The following RBFOX1 variants were observed in gnomAD, a reference collection of about 807,000 sequenced individuals.
The protein encoded by RBFOX1 is RNA binding fox-1 homolog 1, also known as RNA binding protein fox-1 homolog 1.
A neutral mutation model predicts 57.7 loss-of-function variants in RBFOX1; 8 were observed. That is an observed-to-expected ratio of 0.14 (90% CI 0.08 to 0.25). RBFOX1 has a LOEUF of 0.25. Ranked by LOEUF, RBFOX1 falls within the 10% of genes least tolerant of loss-of-function variation. The probability of loss-of-function intolerance (pLI) is 1.00; values close to 1 mark genes in which losing one functional copy is unlikely to be tolerated. For synonymous variants in RBFOX1, 326 were observed against 222.4 expected (o/e 1.47, Z -4.15); for missense variants, 611 against 548.5 (o/e 1.11, Z -1.14).
At chr16:7,075,352 G>A (rs1428911472) in intron 4 of RBFOX1, among the ~76,000 whole-genome samples, 2 of 152,202 alleles carry the variant, frequency 1.3e-5, no homozygotes, top group African/African-American at 4.8e-5. Context: ...TCTAGGAGAA[G>A]AGTTGGGAAG....
intron 2 of RBFOX1, among the ~76,000 whole-genome samples, chr16:6,506,157 G>C (rs1447885716): frequency 6.6e-6 from 1 of 152,168 alleles, no homozygotes; most frequent in East Asian, 1.9e-4. Context: ...AGTTAATTTA[G>C]AAGCGAAGAG....
intron 2 of RBFOX1, among the ~76,000 whole-genome samples, chr16:6,487,922 A>G (rs911295258): frequency 6.6e-6 from 1 of 151,692 alleles, no homozygotes; most frequent in African/African-American, 2.4e-5. Flanking sequence ...CGCTTTAATG[A>G]TCTGTAGTTT....
rs193174047 is a variant in RBFOX1, at chr16:7,205,144, A to C, written c.27+153046A>C. 1.4e-3 allele frequency among the ~76,000 whole-genome samples: 217 copies of C among 152,266 alleles called. 1 individual carries two copies. Among genetic ancestry groups the C allele is most frequent in the South Asian group, 0.014 (68 of 4,830 alleles). Reference sequence around the variant, plus strand: ...CCTCCCTTCACTGATAGTAAGATAGAGGCTGAGAGACCAAGAAAAATAGTG... The same window carrying C: ...CCTCCCTTCACTGATAGTAAGATAGCGGCTGAGAGACCAAGAAAAATAGTG... On this transcript the variant is annotated intron_variant, in intron 4 of 15. Coordinates refer to ENST00000550418, the MANE Select transcript of RBFOX1 (RefSeq NM_018723.4).
intron 1 of RBFOX1, among the ~76,000 whole-genome samples, chr16:5,410,756 T>C (rs1345627496): frequency 6.7e-6 from 1 of 149,022 alleles, no homozygotes; most frequent in Non-Finnish European, 1.5e-5. Flanking sequence ...TCCTCCTGTT[T>C]ACAATGCCCT....
chr16:6,500,129 G>A (rs2095870760), intron 2 of RBFOX1, among the ~76,000 whole-genome samples: 1 of 152,148 alleles, frequency 6.6e-6, no homozygotes. Flanking sequence ...AAGTCTGCAT[G>A]CTGACACATT....
In RBFOX1 at chr16:6,407,596, G is replaced by GAGAGAGAGAGAGAGAGAAC. The variant is rs71386523; in HGVS notation, c.-64+90539_-64+90540insAGAGAGAGAGAGAGAGAAC. ...GAGAGAGAGAGAGAGAGAGAGAGAA[G>GAGAGAGAGAGAGAGAGAAC]TACATTCTATCCTAGGAAATGGGAA... On this transcript the variant is annotated intron_variant, in intron 2 of 15. Coordinates refer to ENST00000550418, the MANE Select transcript of RBFOX1 (RefSeq NM_018723.4). 2.3e-4 allele frequency among the ~76,000 whole-genome samples: 34 copies of GAGAGAGAGAGAGAGAGAAC among 146,190 alleles called. 2 individuals carry two copies. Among genetic ancestry groups the GAGAGAGAGAGAGAGAGAAC allele is most frequent in the African/African-American group, 7.6e-4 (29 of 38,096 alleles).
chr16:6,720,769 T>C (rs1380146629), intron 3 of RBFOX1, among the ~76,000 whole-genome samples: 1 of 152,200 alleles, frequency 6.6e-6, no homozygotes, highest in African/African-American at 2.4e-5. Flanking sequence ...CCACCTTTTT[T>C]ATTCTTCAAA....
intron 2 of RBFOX1, among the ~76,000 whole-genome samples, chr16:6,613,665 T>C (rs1276687392): frequency 3.3e-5 from 5 of 152,230 alleles, no homozygotes; most frequent in Non-Finnish European, 1.5e-5. Context: ...ACATAAGTAG[T>C]GTGTTATCTC....
intron 4 of RBFOX1, among the ~76,000 whole-genome samples, chr16:7,308,864 G>C (rs2096251121): frequency 6.6e-6 from 1 of 152,198 alleles, no homozygotes; most frequent in Admixed American, 6.5e-5. Context: ...TGACTGTGTA[G>C]AAAAGTTCAA....
intron 1 of RBFOX1, among the ~76,000 whole-genome samples, chr16:6,226,722 C>A (rs74396271): frequency 1.3e-5 from 2 of 152,074 alleles, no homozygotes; most frequent in Non-Finnish European, 2.9e-5. Flanking sequence ...ATCTTGCTGG[C>A]TGTAGGCTTT....
At chr16:5,756,451 T>C (rs536502765) in intron 3 of RBFOX1, among the ~76,000 whole-genome samples, 89 of 152,226 alleles carry the variant, frequency 5.8e-4, no homozygotes, top group African/African-American at 2.1e-3. Flanking sequence ...ACCTTTGCGG[T>C]GGAGTTTGTC....
intron 2 of RBFOX1, among the ~76,000 whole-genome samples, chr16:6,646,945 CCT>C (rs2098539197): frequency 2.6e-5 from 4 of 152,160 alleles, no homozygotes; most frequent in Admixed American, 2.6e-4. Flanking sequence ...TAGGACTGGG[CCT>C]TACAGGTCGT....
At chr16:7,103,625 C>T (rs1337989686) in intron 4 of RBFOX1, among the ~76,000 whole-genome samples, 1 of 152,152 alleles carries the variant, frequency 6.6e-6, no homozygotes, top group South Asian at 2.1e-4. Flanking sequence ...TTCTTCACCT[C>T]TCTGCAGTTT....
At chr16:6,971,124 C>T (rs1163189239) in intron 3 of RBFOX1, among the ~76,000 whole-genome samples, 3 of 152,264 alleles carry the variant, frequency 2.0e-5, no homozygotes, top group East Asian at 3.9e-4. Flanking sequence ...GGAAGACAGA[C>T]ATTTGACAAT....
At chr16:6,992,377 C>G (rs1490394576) in intron 3 of RBFOX1, among the ~76,000 whole-genome samples, 1 of 152,024 alleles carries the variant, frequency 6.6e-6, no homozygotes, top group Non-Finnish European at 1.5e-5. Context: ...ACCACCATGC[C>G]CAGCTAATTT....
intron 1 of RBFOX1, among the ~76,000 whole-genome samples, chr16:5,449,678 A>T: frequency 6.6e-6 from 1 of 152,194 alleles, no homozygotes; most frequent in East Asian, 1.9e-4. Flanking sequence ...GCACAATCAC[A>T]GCTCACTGCA....
chr16:5,360,611 G>C (rs1010470138), intron 1 of RBFOX1, among the ~76,000 whole-genome samples: 4 of 152,192 alleles, frequency 2.6e-5, no homozygotes, highest in African/African-American at 9.6e-5. Flanking sequence ...GAGTGAGGGG[G>C]TAAAAATTAG....
At chr16:6,184,292 A>G (rs755816969) in intron 1 of RBFOX1, among the ~76,000 whole-genome samples, 4 of 152,142 alleles carry the variant, frequency 2.6e-5, no homozygotes, top group African/African-American at 4.8e-5. Context: ...CACATGAGCA[A>G]CATGACATCA....
chr16:6,229,816 T>G (rs988707411), intron 1 of RBFOX1, among the ~76,000 whole-genome samples: 1 of 152,196 alleles, frequency 6.6e-6, no homozygotes, highest in African/African-American at 2.4e-5. Context: ...ACATATATCT[T>G]AGACTCGGTG....
Sources: allele counts gnomAD v4.1 joint callset (sites outside exome capture counted in the v4.1 genomes callset), GRCh38; gene constraint gnomAD v4.1.1; transcripts MANE v1.5; gene names NCBI Gene and HGNC (gene_info 2026-07-23, HGNC 2026-07-21).